Variants in MACROD2 observed in about 807,000 individuals in gnomAD.
MACROD2 encodes ADP-ribose glycohydrolase MACROD2.
MACROD2 carries 36 observed loss-of-function variants against 70.4 expected under a neutral mutation model. The observed-to-expected ratio is 0.51, with a 90% CI of 0.39 to 0.68. The LOEUF (loss-of-function observed/expected upper bound fraction) is 0.68, where lower values mean the gene tolerates loss of function less well. Ranked by LOEUF, MACROD2 falls within the 30% of genes least tolerant of loss-of-function variation. The pLI is 0.00. For missense variants in MACROD2, 496 were observed against 538.4 expected, an observed-to-expected ratio of 0.92 and a Z score of 0.78; for synonymous variants, 172 against 178.8, an observed-to-expected ratio of 0.96 and a Z score of 0.30.
intron 8 of MACROD2, among the ~76,000 whole-genome samples, chr20:15,785,785 T>C (rs1246292299): frequency 6.6e-6 from 1 of 152,140 alleles, no homozygotes; most frequent in Admixed American, 6.6e-5. Flanking sequence ...CCCGATACTC[T>C]TCTGCACAAA....
chr20:14,485,476 C>G (rs545233563), intron 3 of MACROD2, among the ~76,000 whole-genome samples: 1 of 151,790 alleles, frequency 6.6e-6, no homozygotes, highest in Non-Finnish European at 1.5e-5. Context: ...CTGAGGCGGG[C>G]GAATCACGAG....
At chr20:14,321,302 T>C (rs1446991560) in intron 3 of MACROD2, among the ~76,000 whole-genome samples, 1 of 151,984 alleles carries the variant, frequency 6.6e-6, no homozygotes, top group Non-Finnish European at 1.5e-5. Flanking sequence ...GAGGCACAGG[T>C]TGCAGTGAGC....
At chr20:14,411,700 A>G (rs1275091784) in intron 3 of MACROD2, among the ~76,000 whole-genome samples, 1 of 151,902 alleles carries the variant, frequency 6.6e-6, no homozygotes, top group Non-Finnish European at 1.5e-5. Context: ...GACCTGTTAT[A>G]TTTTCTCATC....
intron 3 of MACROD2, among the ~76,000 whole-genome samples, chr20:14,396,636 C>A (rs1397851276): frequency 1.3e-5 from 2 of 152,014 alleles, no homozygotes; most frequent in African/African-American, 4.8e-5. Flanking sequence ...TTTTTAAAAT[C>A]CAATCTGGGC....
chr20:14,010,210 A>G (rs755525790), intron 2 of MACROD2, among the ~76,000 whole-genome samples: 3 of 152,256 alleles, frequency 2.0e-5, no homozygotes, highest in African/African-American at 4.8e-5. Flanking sequence ...TATCTGTATT[A>G]CATACTATAA....
At position 15,628,237 on chromosome 20, in the gene MACROD2, T is replaced by C. The variant is rs140965368; in HGVS notation, c.645+128390T>C. Among the ~76,000 whole-genome samples the C allele has an allele frequency of 4.2e-4, 64 of 152,366 alleles. 1 individual carries two copies. The East Asian group carries it at 0.012, about 28-fold the overall frequency. Reference sequence around the variant, plus strand: ...TTTAATTTCCTAATTCCTTAAATACTAGACCTTTATTTACATATACATTTA... The same window carrying C: ...TTTAATTTCCTAATTCCTTAAATACCAGACCTTTATTTACATATACATTTA... On this transcript the variant is annotated intron_variant, in intron 8 of 17. Transcript: ENST00000684519.
chr20:14,099,468 T>C (rs13040098), intron 3 of MACROD2, among the ~76,000 whole-genome samples: 28,630 of 152,118 alleles, frequency 0.19, 3,163 homozygotes, highest in African/African-American at 0.31. Context: ...TTCACTATTA[T>C]GCTTGCAACA....
intron 3 of MACROD2, among the ~76,000 whole-genome samples, chr20:14,455,106 C>G (rs1163064462): frequency 6.6e-6 from 1 of 151,798 alleles, no homozygotes; most frequent in East Asian, 1.9e-4. Context: ...AAAACACATA[C>G]AAATATGACT....
At chr20:15,712,332 C>T (rs1452354254) in intron 8 of MACROD2, among the ~76,000 whole-genome samples, 2 of 152,200 alleles carry the variant, frequency 1.3e-5, no homozygotes, top group Non-Finnish European at 2.9e-5. Flanking sequence ...CTGGAGTTGG[C>T]CCACAGGCCG....
chr20:15,203,388 A>G (rs1463352895), intron 5 of MACROD2, among the ~76,000 whole-genome samples: 3 of 152,020 alleles, frequency 2.0e-5, no homozygotes, highest in Admixed American at 2.0e-4. Flanking sequence ...GGGCCATTGT[A>G]TTCAGTCTTT....
In MACROD2 at chr20:14,166,804, C is replaced by T. The variant is rs73257128; in HGVS notation, c.271+81076C>T. On this transcript the variant is annotated intron_variant, in intron 3 of 17. Transcript: ENST00000684519. The stretch of plus-strand genomic sequence containing the variant: ...CCAATTCAGCCATTTATCCTATTGT[C>T]CCATAATAGATTTCCTTATAGCTAC... Among the ~76,000 whole-genome samples, 253 of 152,220 alleles carry T rather than the reference C, an allele frequency of 1.7e-3. 1 individual carries two copies. The highest frequency in any genetic ancestry group is 5.8e-3 in the African/African-American group (240 of 41,530).
chr20:14,780,090 A>G (rs1005204480), intron 5 of MACROD2, among the ~76,000 whole-genome samples: 3 of 152,134 alleles, frequency 2.0e-5, no homozygotes, highest in African/African-American at 7.2e-5. Flanking sequence ...ACCAGGAGTG[A>G]TGGCGAGTGC....
chr20:15,071,791 G>A (rs2075621050), intron 5 of MACROD2, among the ~76,000 whole-genome samples: 2 of 152,124 alleles, frequency 1.3e-5, no homozygotes, highest in African/African-American at 4.8e-5. Flanking sequence ...AGTAAATTCT[G>A]TGCTGCAAAT....
At chr20:15,944,368 A>G (rs1430853909) in intron 12 of MACROD2, among the ~76,000 whole-genome samples, 3 of 152,204 alleles carry the variant, frequency 2.0e-5, no homozygotes, top group Non-Finnish European at 4.4e-5. Flanking sequence ...ATACTGATAT[A>G]TAAACTCTCA....
chr20:15,942,244 T>C (rs2065761132), intron 12 of MACROD2, among the ~76,000 whole-genome samples: 1 of 152,146 alleles, frequency 6.6e-6, no homozygotes, highest in East Asian at 1.9e-4. Context: ...AAGAGCTAGA[T>C]TGTGAGCTAC....
At chr20:14,541,871 A>G (rs6110321) in intron 4 of MACROD2, among the ~76,000 whole-genome samples, 2,881 of 152,312 alleles carry the variant, frequency 0.019, 78 homozygotes, top group African/African-American at 0.057. Flanking sequence ...ATATGATTCT[A>G]AGACTCATCT....
chr20:14,709,160 G>A (rs1216307130), intron 5 of MACROD2, among the ~76,000 whole-genome samples: 2 of 152,066 alleles, frequency 1.3e-5, no homozygotes, highest in African/African-American at 4.8e-5. Flanking sequence ...AACAAATGTA[G>A]CACCTCAAAG....
chr20:15,249,174 A>G (rs1317342747), intron 6 of MACROD2, among the ~76,000 whole-genome samples: 2 of 152,136 alleles, frequency 1.3e-5, no homozygotes, highest in Non-Finnish European at 2.9e-5. Context: ...TCCCTCTTGC[A>G]TAGCTAGCAC....
chr20:14,859,072 A>C (rs2073286083), intron 5 of MACROD2, among the ~76,000 whole-genome samples: 1 of 152,008 alleles, frequency 6.6e-6, no homozygotes, highest in Admixed American at 6.6e-5. Flanking sequence ...CTGGGGACTC[A>C]AGGGGAAGGT....
Sources: allele counts gnomAD v4.1 joint callset (sites outside exome capture counted in the v4.1 genomes callset), GRCh38; gene constraint gnomAD v4.1.1; transcripts MANE v1.5; gene names NCBI Gene and HGNC (gene_info 2026-07-23, HGNC 2026-07-21).